The following LSAMP variants were observed in gnomAD, a reference collection of about 807,000 sequenced individuals.
LSAMP encodes limbic system-associated membrane protein.
A neutral mutation model predicts 38.6 loss-of-function variants in LSAMP; 7 were observed. The observed-to-expected ratio is 0.18, with a 90% confidence interval of 0.10 to 0.34. LSAMP has a LOEUF of 0.34. LSAMP is among the 10% of genes least tolerant of loss of function. The pLI, the probability that LSAMP is intolerant of heterozygous loss-of-function variation, is 1.00. For synonymous variants in LSAMP, 154 were observed against 166.8 expected (o/e 0.92, Z 0.59); for missense variants, 313 against 420.0 (o/e 0.75, Z 2.23).
At chr3:116,168,079 A>AT (rs1209278725) in intron 1 of LSAMP, among the ~76,000 whole-genome samples, 1 of 152,176 alleles carries the variant, frequency 6.6e-6, no homozygotes, top group Non-Finnish European at 1.5e-5. Flanking sequence ...ATCTTAAAGT[A>AT]TTTTTTAAAA....
intron 3 of LSAMP, among the ~76,000 whole-genome samples, chr3:115,855,792 C>G (rs1213652721): frequency 2.0e-5 from 3 of 152,160 alleles, no homozygotes; most frequent in Admixed American, 2.0e-4. Flanking sequence ...TCCTTTTATT[C>G]TCTCAACCTT....
intron 1 of LSAMP, among the ~76,000 whole-genome samples, chr3:116,209,262 G>A (rs1007846905): frequency 1.8e-4 from 28 of 152,178 alleles, no homozygotes; most frequent in Non-Finnish European, 2.6e-4. Context: ...TTTGGCTCGC[G>A]CACGGTGCGC....
intron 1 of LSAMP, among the ~76,000 whole-genome samples, chr3:116,153,488 G>A (rs1709668981): frequency 6.6e-6 from 1 of 151,984 alleles, no homozygotes; most frequent in Admixed American, 6.6e-5. Context: ...AAACTGACTA[G>A]GCAAAAGAAC....
rs9850827 is a variant in LSAMP, at chr3:116,231,627, C to T, written c.156-145071G>A. ...CACCAGAAAAACAAAAGCTAAGCTGCATAAATCACAGAGAAGTGGGCAATT... is the reference window on the plus strand; with the variant it reads ...CACCAGAAAAACAAAAGCTAAGCTGTATAAATCACAGAGAAGTGGGCAATT... On this transcript the variant is annotated intron_variant, in intron 1 of 6. Coordinates refer to ENST00000490035, the MANE Select transcript of LSAMP (RefSeq NM_002338.5). Among the ~76,000 whole-genome samples, 1,204 of 152,226 alleles carry T rather than the reference C, an allele frequency of 7.9e-3. 14 individuals are homozygous for T. The highest frequency in any genetic ancestry group is 0.027 in the African/African-American group (1,138 of 41,540).
At chr3:116,023,322 C>T (rs571650118) in intron 2 of LSAMP, among the ~76,000 whole-genome samples, 80 of 151,846 alleles carry the variant, frequency 5.3e-4, no homozygotes, top group Middle Eastern at 3.4e-3. Context: ...CGGCCAGGTA[C>T]GGTGGCTCAC....
At chr3:116,341,653 G>T (rs572271910) in intron 1 of LSAMP, among the ~76,000 whole-genome samples, 1 of 152,122 alleles carries the variant, frequency 6.6e-6, no homozygotes, top group South Asian at 2.1e-4. Flanking sequence ...GGACAAATTA[G>T]ATATCAGTTT....
At chr3:116,118,644 G>A (rs1164369611) in intron 1 of LSAMP, among the ~76,000 whole-genome samples, 1 of 152,136 alleles carries the variant, frequency 6.6e-6, no homozygotes, top group Non-Finnish European at 1.5e-5. Flanking sequence ...CAGGATTACA[G>A]AGTTAGCTCC....
chr3:115,968,612 C>G (rs1050976203), intron 3 of LSAMP, among the ~76,000 whole-genome samples: 1 of 152,146 alleles, frequency 6.6e-6, no homozygotes, highest in Non-Finnish European at 1.5e-5. Flanking sequence ...CTCTCCTCAA[C>G]AGAGGGAAGG....
intron 1 of LSAMP, among the ~76,000 whole-genome samples, chr3:116,329,689 A>G (rs2047823342): frequency 6.6e-6 from 1 of 152,160 alleles, no homozygotes; most frequent in Admixed American, 6.6e-5. Context: ...GGACTTTATG[A>G]TATAATGATA....
At chr3:116,249,737 GA>G (rs774994044) in intron 1 of LSAMP, among the ~76,000 whole-genome samples, 15 of 151,728 alleles carry the variant, frequency 9.9e-5, no homozygotes, top group Non-Finnish European at 1.3e-4. Flanking sequence ...AGAGAGTCCC[GA>G]AAAATTAGTA....
chr3:116,155,451 C>T (rs1709723644), intron 1 of LSAMP, among the ~76,000 whole-genome samples: 1 of 152,062 alleles, frequency 6.6e-6, no homozygotes, highest in African/African-American at 2.4e-5. Context: ...TGGTTTCGAA[C>T]TCCTGACTTC....
chr3:115,901,203 T>C lies in LSAMP; in HGVS notation c.515-48586A>G, dbSNP rs191018761. Among the ~76,000 whole-genome samples, 67 of 152,162 alleles carry C rather than the reference T, an allele frequency of 4.4e-4. 1 individual carries two copies. Among genetic ancestry groups the C allele is most frequent in the African/African-American group, 1.5e-3 (61 of 41,526 alleles). ...GGTCTGAGAGTCTGTGCTTAATCTG[T>C]CAGTTATGGCAGCCAAGAGCAACTT... is the stretch of plus-strand genomic sequence containing the variant. On this transcript the variant is annotated intron_variant, in intron 3 of 6. Coordinates refer to ENST00000490035, the MANE Select transcript of LSAMP (RefSeq NM_002338.5).
intron 1 of LSAMP, among the ~76,000 whole-genome samples, chr3:116,210,983 T>G (rs2046149194): frequency 2.0e-5 from 3 of 151,454 alleles, no homozygotes; most frequent in African/African-American, 7.3e-5. Flanking sequence ...ATACACACAA[T>G]GGAATACTAC....
In LSAMP at chr3:116,301,218, G is replaced by A. The variant is rs930769356; in HGVS notation, c.155+143659C>T. Among the ~76,000 whole-genome samples the A allele has an allele frequency of 5.9e-5, 9 of 152,176 alleles. No individual in the cohort carries two copies. The South Asian group carries it at 8.3e-4, about 14-fold the overall frequency. ...AAATATGCAATAAAAAGCTACACCC[G>A]TATGTCTCACCTAAAGTATTTTACC... is the stretch of plus-strand genomic sequence containing the variant. On this transcript the variant is annotated intron_variant, in intron 1 of 6. Transcript: ENST00000490035.
chr3:115,917,276 C>A (rs776622504), intron 3 of LSAMP, among the ~76,000 whole-genome samples: 1 of 152,224 alleles, frequency 6.6e-6, no homozygotes, highest in Non-Finnish European at 1.5e-5. Flanking sequence ...TTCTTACTTG[C>A]AAGCAACCTT....
intron 1 of LSAMP, among the ~76,000 whole-genome samples, chr3:116,383,380 G>GA (rs199534732): frequency 4.9e-4 from 73 of 148,932 alleles, no homozygotes; most frequent in Non-Finnish European, 6.1e-4. Context: ...AAACTTGAAG[G>GA]AAAAAAAAAT....
At chr3:116,149,497 C>T (rs1049727118) in intron 1 of LSAMP, among the ~76,000 whole-genome samples, 20 of 151,864 alleles carry the variant, frequency 1.3e-4, no homozygotes, top group Non-Finnish European at 2.8e-4. Context: ...TTTGCAAAAC[C>T]GTTTGAGAGA....
chr3:115,834,652 A>T, intron 6 of LSAMP: 7 of 888,684 alleles, frequency 7.9e-6, no homozygotes, highest in Non-Finnish European at 1.0e-5. Flanking sequence ...ATATATATGT[A>T]TCTTTCTCAT....
intron 3 of LSAMP, among the ~76,000 whole-genome samples, chr3:115,918,590 C>A (rs1937307080): frequency 6.6e-6 from 1 of 152,106 alleles, no homozygotes; most frequent in African/African-American, 2.4e-5. Flanking sequence ...ATTATTCTGG[C>A]CCTGACTATG....
Sources: gnomAD v4.1 joint callset for allele counts (sites outside exome capture counted in the v4.1 genomes callset) on GRCh38, gnomAD v4.1.1 for gene constraint, MANE v1.5 for transcripts, NCBI Gene and HGNC (gene_info 2026-07-23, HGNC 2026-07-21) for gene names.